The following CPXM1 variants were observed in gnomAD, a reference collection of about 807,000 sequenced individuals.
CPXM1 encodes probable carboxypeptidase X1.
A neutral mutation model predicts 80.4 loss-of-function variants in CPXM1; 72 were observed. That is an observed-to-expected ratio of 0.90 (90% CI 0.74 to 1.09). CPXM1 has a LOEUF of 1.09. Among genes scored for constraint, CPXM1 ranks in the 50% least tolerant of loss-of-function variants. CPXM1 has a pLI of 0.00. For missense variants in CPXM1, 892 were observed against 999.4 expected (o/e 0.89, Z 1.45); for synonymous variants, 403 against 405.6 (o/e 0.99, Z 0.08).
In CPXM1 at chr20:2,794,729, T is replaced by C; in HGVS notation, c.1861-90A>G. ...TGCTGGCTCTGTTGCCCTGCAAACC[T>C]GAGCAAAGTGGTAGGTCTACTGTGT... On this transcript the variant is annotated intron_variant, in intron 12 of 13. Coordinates refer to ENST00000380605, the MANE Select transcript of CPXM1 (RefSeq NM_019609.5). The surrounding 1 kb of genome is among the most constrained non-coding windows in gnomAD (Gnocchi z 5.2). The C allele has an allele frequency of 1.0e-6, 1 of 958,846 alleles. No homozygotes were observed. Among genetic ancestry groups the C allele is most frequent in the South Asian group, 1.4e-5 (1 of 73,672 alleles). 59.4% of individuals were successfully genotyped at this position (958,846 alleles called of 1,614,324 possible). A position where few individuals can be genotyped will look rare whatever the true frequency, so the allele number is the denominator to read the frequency against.
In CPXM1 at chr20:2,796,944, G is replaced by T. The variant is rs1397222290; in HGVS notation, c.921+62C>A. On this transcript the variant is annotated intron_variant, in intron 7 of 13. Coordinates refer to ENST00000380605, the MANE Select transcript of CPXM1 (RefSeq NM_019609.5). The surrounding 1 kb of genome is among the most constrained non-coding windows in gnomAD (Gnocchi z 6.8). Reference sequence around the variant, plus strand: ...ACAGCAGGTTGTGCCCCGGTGGGAAGGTGGGAAGGGGACCTGAGATGGGTG... The same window carrying T: ...ACAGCAGGTTGTGCCCCGGTGGGAATGTGGGAAGGGGACCTGAGATGGGTG... The T allele has an allele frequency of 2.3e-5, 34 of 1,474,064 alleles. No individual in the cohort carries two copies. The highest frequency in any genetic ancestry group is 2.9e-5 in the Non-Finnish European group (31 of 1,056,828). 91.3% of individuals were successfully genotyped at this position (1,474,064 alleles called of 1,614,324 possible).
intron 2 of CPXM1, 57 bp from the exon 3 acceptor site, chr20:2,798,594 G>A: frequency 1.3e-6 from 2 of 1,563,812 alleles, no homozygotes; most frequent in Non-Finnish European, 1.8e-6. Context: ...CAGGGCAGGT[G>A]GGAAGCTGAG....
At chr20:2,800,250 T>G in intron 1 of CPXM1, 151 bp downstream of exon 1, 1 of 690,754 alleles carries the variant, frequency 1.4e-6, no homozygotes, top group South Asian at 2.4e-5. Context: ...TGTGTGCGCG[T>G]GAGTGCGAGT....
chr20:2,794,147 C>A lies in CPXM1; in HGVS notation c.*43G>T. ...CCCTCTCTACTCTTCCCCTTCCCGT[C>A]TTGACAGGTCCAGCCTGCCCTAGGG... On this transcript the variant is annotated 3_prime_UTR_variant, in exon 14 of 14. Coordinates refer to ENST00000380605, the MANE Select transcript of CPXM1 (RefSeq NM_019609.5). This position sits in a 1 kb window ranked among gnomAD's most constrained non-coding sequence, Gnocchi z 5.2. 1 of 1,560,148 alleles carries A rather than the reference C, an allele frequency of 6.4e-7. No homozygotes were observed. Among genetic ancestry groups the A allele is most frequent in the South Asian group, 1.2e-5 (1 of 82,564 alleles).
rs772007229 is a variant in CPXM1 at position 2,798,294 on chromosome 20, G to A, written c.451-3C>T. Reference sequence around the variant, plus strand: ...AGATCGCCGTCCTCCAGGCCTGACTGCAGACACAGGACATGGTGGTCAGGC... The same window carrying A: ...AGATCGCCGTCCTCCAGGCCTGACTACAGACACAGGACATGGTGGTCAGGC... On this transcript the variant is annotated splice_polypyrimidine_tract_variant and splice_region_variant and intron_variant, in intron 3 of 13. Coordinates refer to ENST00000380605, the MANE Select transcript of CPXM1 (RefSeq NM_019609.5). The A allele has an allele frequency of 4.3e-6, 7 of 1,613,562 alleles. No individual in the cohort carries two copies. In the Admixed American group the frequency reaches 1.0e-4, roughly 23 times the overall value.
At chr20:2,798,614 G>T in intron 2 of CPXM1, 77 bp from the exon 3 acceptor site, 1 of 1,538,050 alleles carries the variant, frequency 6.5e-7, no homozygotes, top group Non-Finnish European at 8.9e-7. Flanking sequence ...GCCTAAGGTT[G>T]CTCCTGCGCT....
chr20:2,800,265 G>T, intron 1 of CPXM1, 136 bp downstream of exon 1: 1 of 770,506 alleles, frequency 1.3e-6, no homozygotes, highest in Non-Finnish European at 1.9e-6. Flanking sequence ...GCGAGTGTGC[G>T]TGCGGGGTGA....
rs752838139 is a variant in CPXM1, at chr20:2,795,575, C to T, written c.1720+24G>A. 1.9e-6 allele frequency: 3 copies of T among 1,607,144 alleles called. No individual in the cohort carries two copies. Among genetic ancestry groups the T allele is most frequent in the South Asian group, 1.1e-5 (1 of 90,580 alleles). On this transcript the variant is annotated intron_variant, in intron 11 of 13. Transcript: ENST00000380605. The surrounding 1 kb of genome is among the most constrained non-coding windows in gnomAD (Gnocchi z 5.4). ...CAGGGCGGGGGTTACGGGGCCAGGG[C>T]TAACTCCACCCTCAGGCACATACTC...
rs1371375710 is a variant in CPXM1 at position 2,796,935 on chromosome 20, CGGTGGGAA to C, written c.921+63_921+70del. On this transcript the variant is annotated intron_variant, in intron 7 of 13. Transcript: ENST00000380605. The surrounding 1 kb of genome is among the most constrained non-coding windows in gnomAD (Gnocchi z 6.8). ...AGCGCAGTCACAGCAGGTTGTGCCC[CGGTGGGAA>C]GGTGGGAAGGGGACCTGAGATGGGT... 2 of 1,421,164 alleles carry C rather than the reference CGGTGGGAA, an allele frequency of 1.4e-6. No individual in the cohort carries two copies. The highest frequency in any genetic ancestry group is 4.6e-5 in the East Asian group (2 of 43,606). The allele number at this position is 1,421,164 out of a possible 1,614,324, so 88.0% of individuals were successfully genotyped here.
At position 2,800,425 on chromosome 20, in the gene CPXM1, G is replaced by A. The variant is rs2088558611; in HGVS notation, c.148C>T (p.Gln50Ter). ...STPALHSSPAQPPAETANGTS... is the reference protein window; with the variant it reads ...STPALHSSPA ...CCGTTAGCTGTCTCCGCCGGCGGCT[G>A]TGCCGGGCTGCTATGCAGGGCCGGG... Residue 50 changes from glutamine to a stop codon, truncating the protein, a stop_gained, in exon 1 of 14, where the codon CAG (glutamine) becomes TAG (stop). Transcript: ENST00000380605. LOFTEE classifies it high-confidence loss of function. The A allele has an allele frequency of 6.5e-7, 1 of 1,527,886 alleles. No homozygotes were observed. The highest frequency in any genetic ancestry group is 1.2e-5 in the South Asian group (1 of 82,140). The allele number at this position is 1,527,886 out of a possible 1,614,324, so 94.6% of individuals were successfully genotyped here.
At chr20:2,800,118 G>C (rs1247653855) in intron 1 of CPXM1, among the ~76,000 whole-genome samples, 1 of 114,750 alleles carries the variant, frequency 8.7e-6, no homozygotes, top group South Asian at 3.2e-4. Flanking sequence ...GTGAGTGTGC[G>C]CGCGCGTGCA....
rs1460812714 is a variant in CPXM1, at chr20:2,795,873, T to A, written c.1446A>T (p.Val482=). The change falls in exon 11 of 14, where the codon GTA becomes GTT. Residue 482 remains valine, a synonymous_variant. Coordinates refer to ENST00000380605, the MANE Select transcript of CPXM1 (RefSeq NM_019609.5). The surrounding 1 kb of genome is among the most constrained non-coding windows in gnomAD (Gnocchi z 5.4). Reference sequence around the variant, plus strand: ...AGGGGATCCGCTTCATCCACTTGATTACTGCCCGCGTTTCAGGAGCCACCT... The same window carrying A: ...AGGGGATCCGCTTCATCCACTTGATAACTGCCCGCGTTTCAGGAGCCACCT... ...NATVAPETRA[V]IKWMKRIPFV... The A allele has an allele frequency of 1.1e-5, 17 of 1,610,908 alleles. 1 individual carries two copies. Among genetic ancestry groups the A allele is most frequent in the African/African-American group, 9.3e-5 (7 of 74,996 alleles).
At position 2,798,035 on chromosome 20, in the gene CPXM1, T is replaced by C; in HGVS notation, c.614A>G (p.Lys205Arg). ...CCGACTGTCATTGCTGAACTGGACCTTGTATGATGTGACCCAGTCATACCT... is the reference window on the plus strand; with the variant it reads ...CCGACTGTCATTGCTGAACTGGACCCTGTATGATGTGACCCAGTCATACCT... The part of the protein sequence containing the change: ...VWRYDWVTSY[K>R]VQFSNDSRTW... The change falls in exon 5 of 14, where the codon AAG becomes AGG. Residue 205 changes from lysine (K) to arginine (R), a missense_variant. Transcript: ENST00000380605. The C allele has an allele frequency of 1.9e-6, 3 of 1,614,158 alleles. No homozygotes were observed. The highest frequency in any genetic ancestry group is 1.1e-5 in the South Asian group (1 of 91,088).
At position 2,795,274 on chromosome 20, in the gene CPXM1, G is replaced by A. The variant is rs377710258; in HGVS notation, c.1860+3C>T. On this transcript the variant is annotated splice_donor_region_variant and intron_variant, in intron 12 of 13. Coordinates refer to ENST00000380605, the MANE Select transcript of CPXM1 (RefSeq NM_019609.5). The surrounding 1 kb of genome is among the most constrained non-coding windows in gnomAD (Gnocchi z 5.4). ...AGGCTGGGGGCCGGGACGCAGATCC[G>A]ACCTGCTCCAGGTAGGTGAGGAGGG... The A allele has an allele frequency of 1.3e-4, 214 of 1,613,310 alleles. No homozygotes were observed. Among genetic ancestry groups the A allele is most frequent in the South Asian group, 3.6e-4 (33 of 91,000 alleles).
intron 1 of CPXM1, among the ~76,000 whole-genome samples, chr20:2,799,372 G>A (rs1222175005): frequency 6.6e-6 from 1 of 152,072 alleles, no homozygotes; most frequent in Non-Finnish European, 1.5e-5. Context: ...CCCCTGTGCC[G>A]CTTCCATTGT....
In CPXM1 at chr20:2,795,160, G is replaced by T; in HGVS notation, c.1860+117C>A. 3 of 1,219,826 alleles carry T rather than the reference G, an allele frequency of 2.5e-6. No homozygotes were observed. The highest frequency in any genetic ancestry group is 1.5e-5 in the African/African-American group (1 of 66,476). The allele number at this position is 1,219,826 out of a possible 1,614,324, so 75.6% of individuals were successfully genotyped here. A position where few individuals can be genotyped will look rare whatever the true frequency, so the allele number is the denominator to read the frequency against. On this transcript the variant is annotated intron_variant, in intron 12 of 13. Coordinates refer to ENST00000380605, the MANE Select transcript of CPXM1 (RefSeq NM_019609.5). This position sits in a 1 kb window ranked among gnomAD's most constrained non-coding sequence, Gnocchi z 5.4. ...AATCTGATACCAAGCATGGCCCATG[G>T]CATCTTGTGAGTCTGAATGCTCAGC...
intron 1 of CPXM1, among the ~76,000 whole-genome samples, chr20:2,799,143 A>G (rs1351639084): frequency 6.6e-6 from 1 of 152,074 alleles, no homozygotes; most frequent in Non-Finnish European, 1.5e-5. Context: ...CTCTAATCCA[A>G]TGGAGAGCTG....
At chr20:2,800,128 ACT>A (rs2088553265) in intron 1 of CPXM1, among the ~76,000 whole-genome samples, 6 of 112,470 alleles carry the variant, frequency 5.3e-5, no homozygotes, top group African/African-American at 1.7e-4. Context: ...GCGCGCGTGC[ACT>A]GTGTGTGCGC....
At chr20:2,799,210 C>T (rs529089349) in intron 1 of CPXM1, among the ~76,000 whole-genome samples, 2 of 152,312 alleles carry the variant, frequency 1.3e-5, no homozygotes, top group Admixed American at 1.3e-4. Flanking sequence ...GGCACTTTAC[C>T]TCCGGGCCTC....
Sources: gnomAD v4.1 joint callset for allele counts (sites outside exome capture counted in the v4.1 genomes callset) on GRCh38, gnomAD v4.1.1 for gene constraint, Gnocchi (gnomAD v3.1) non-coding constraint, MANE v1.5 for transcripts, NCBI Gene and HGNC (gene_info 2026-07-23, HGNC 2026-07-21) for gene names.